The following ADAMTS18 variants were observed in gnomAD, a reference collection of about 807,000 sequenced individuals.
The protein encoded by ADAMTS18 is ADAM metallopeptidase with thrombospondin type 1 motif 18, also known as A disintegrin and metalloproteinase with thrombospondin motifs 18.
Under a neutral mutation model 165.9 loss-of-function variants are expected in ADAMTS18, and 157 were observed. That is an observed-to-expected ratio of 0.95 (90% confidence interval 0.83 to 1.08). The LOEUF (loss-of-function observed/expected upper bound fraction) is 1.08. Ranked by LOEUF, ADAMTS18 falls within the 50% of genes least tolerant of loss-of-function variation. ADAMTS18 has a pLI of 0.00. For synonymous variants in ADAMTS18, 782 were observed against 578.2 expected, an observed-to-expected ratio of 1.35 and a Z score of -5.06; for missense variants, 2,040 against 1,534.0, an observed-to-expected ratio of 1.33 and a Z score of -5.51.
At chr16:77,388,250 C>A (rs1477291626) in intron 3 of ADAMTS18, among the ~76,000 whole-genome samples, 1 of 152,172 alleles carries the variant, frequency 6.6e-6, no homozygotes, top group African/African-American at 2.4e-5. Context: ...TAGGTCCCTG[C>A]CACTGTGCCC....
At chr16:77,337,908 C>CTTTTCTT (rs542622872) in intron 11 of ADAMTS18, among the ~76,000 whole-genome samples, 2 of 140,836 alleles carry the variant, frequency 1.4e-5, no homozygotes, top group Admixed American at 7.1e-5. Context: ...CTTTTCTTTT[C>CTTTTCTT]TTTTTTTTTT....
chr16:77,399,117 C>G (rs996208984), intron 3 of ADAMTS18, among the ~76,000 whole-genome samples: 1 of 152,190 alleles, frequency 6.6e-6, no homozygotes, highest in African/African-American at 2.4e-5. Flanking sequence ...CAGCTAGAAG[C>G]TAGACCCACC....
At chr16:77,422,552 G>T (rs1388258768) in intron 3 of ADAMTS18, among the ~76,000 whole-genome samples, 1 of 148,584 alleles carries the variant, frequency 6.7e-6, no homozygotes, top group African/African-American at 2.5e-5. Flanking sequence ...AAAAAAAAGA[G>T]GAAGGAAGGG....
At chr16:77,305,575 C>G (rs931824627) in intron 16 of ADAMTS18, among the ~76,000 whole-genome samples, 10 of 152,222 alleles carry the variant, frequency 6.6e-5, no homozygotes, top group African/African-American at 2.4e-4. Flanking sequence ...TCCTGCCCAG[C>G]TAAATCCAGG....
chr16:77,334,439 T>C (rs1319676008), intron 12 of ADAMTS18, among the ~76,000 whole-genome samples: 2 of 112,798 alleles, frequency 1.8e-5, no homozygotes, highest in Non-Finnish European at 3.3e-5. Context: ...TACTGTATAT[T>C]ATAGTATATA....
chr16:77,431,816 TG>T, intron 2 of ADAMTS18: 1 of 611,006 alleles, frequency 1.6e-6, no homozygotes, highest in Non-Finnish European at 2.9e-6. Context: ...TTTCTACAGG[TG>T]CCCGAAAGCC....
At chr16:77,428,164 A>G (rs7500233) in intron 3 of ADAMTS18, among the ~76,000 whole-genome samples, 77,311 of 151,900 alleles carry the variant, frequency 0.51, 20,291 homozygotes, top group Non-Finnish European at 0.59. Flanking sequence ...TTCAGGTGAA[A>G]AAGTTTCATC....
At chr16:77,314,778 A>ATATATATG (rs2055855256) in intron 16 of ADAMTS18, among the ~76,000 whole-genome samples, 1 of 85,512 alleles carries the variant, frequency 1.2e-5, no homozygotes, top group Non-Finnish European at 2.4e-5. Context: ...ATATATATAT[A>ATATATATG]TATATATAAA....
intron 3 of ADAMTS18, among the ~76,000 whole-genome samples, chr16:77,380,617 T>C (rs274529): frequency 0.38 from 57,929 of 152,160 alleles, 11,621 homozygotes; most frequent in Non-Finnish European, 0.45. Flanking sequence ...AAATTAAATG[T>C]AAAAATGTTA....
chr16:77,424,485 G>A (rs559477129), intron 3 of ADAMTS18, among the ~76,000 whole-genome samples: 109 of 143,710 alleles, frequency 7.6e-4, no homozygotes, highest in African/African-American at 2.6e-3. Flanking sequence ...AAAAAAAAAA[G>A]CAAGCAACAT....
At chr16:77,334,788 AAATATAC>A (rs373091128) in intron 12 of ADAMTS18, among the ~76,000 whole-genome samples, 18,058 of 52,686 alleles carry the variant, frequency 0.34, 1,986 homozygotes, top group East Asian at 0.47. Flanking sequence ...AGTATACAGT[AAATATAC>A]TATATACTAT....
At chr16:77,431,813 A>T in intron 2 of ADAMTS18, 1 of 615,932 alleles carries the variant, frequency 1.6e-6, no homozygotes, top group South Asian at 1.9e-5. Flanking sequence ...TCATTTCTAC[A>T]GGTGCCCGAA....
At chr16:77,364,862 T>C (rs2056770850) in intron 4 of ADAMTS18, among the ~76,000 whole-genome samples, 1 of 152,066 alleles carries the variant, frequency 6.6e-6, no homozygotes, top group South Asian at 2.1e-4. Flanking sequence ...TCCCAGCAAT[T>C]TGAGACGCAA....
chr16:77,322,495 T>C (rs2056021336), intron 13 of ADAMTS18, 29 bp from the exon 14 acceptor site: 2 of 1,612,598 alleles, frequency 1.2e-6, no homozygotes, highest in African/African-American at 1.3e-5. Context: ...AGATAGGAAA[T>C]GGTCAAGAGG....
chr16:77,405,239 C>T (rs1322212386), intron 3 of ADAMTS18, among the ~76,000 whole-genome samples: 1 of 152,172 alleles, frequency 6.6e-6, no homozygotes, highest in East Asian at 1.9e-4. Context: ...TCATGGTCAA[C>T]TGCATTCAAA....
chr16:77,385,029 C>T lies in ADAMTS18; in HGVS notation c.496-17306G>A, dbSNP rs1353725354. Among the ~76,000 whole-genome samples, 3 of 152,112 alleles carry T rather than the reference C, an allele frequency of 2.0e-5. No individual in the cohort carries two copies. The East Asian group carries it at 5.8e-4, about 30-fold the overall frequency. On this transcript the variant is annotated intron_variant, in intron 3 of 22. Transcript: ENST00000282849. ...GGTTCAAGCATTCTCCTGCCTCAGC[C>T]TCCCAAGTAGCTGGGATTACAGACG...
intron 14 of ADAMTS18, 77 bp downstream of exon 14, chr16:77,322,259 C>A: frequency 6.4e-7 from 1 of 1,557,018 alleles, no homozygotes. Context: ...CAATCTCTCA[C>A]ACCACTGTTC....
intron 3 of ADAMTS18, among the ~76,000 whole-genome samples, chr16:77,375,900 T>TTTTTTTA (rs1195729022): frequency 4.3e-5 from 1 of 23,306 alleles, no homozygotes; most frequent in Non-Finnish European, 1.1e-4. Context: ...CTTTTTTTTT[T>TTTTTTTA]TTTTTTTTTT....
Position 77,364,307 on chromosome 16 carries a change from A to G in ADAMTS18, c.853T>C (p.Ser285Pro). Residue 285 changes from serine (S) to proline (P), a missense_variant, in exon 5 of 23, where the codon TCA (serine) becomes CCA (proline). By Grantham distance (74) the Ser-to-Pro change is moderately conservative. Transcript: ENST00000282849. The stretch of plus-strand genomic sequence containing the variant: ...AGGCCCTTTTGTGATTTTCCAGCTG[A>G]TCTTCTGGGTCGCCCAGAGCTCCCA... ...EYGSSGRPRR[S>P]AGKSQKGLNV... The G allele has an allele frequency of 6.2e-7, 1 of 1,613,752 alleles. No homozygotes were observed. Among genetic ancestry groups the G allele is most frequent in the Non-Finnish European group, 8.5e-7 (1 of 1,179,980 alleles).
Sources: allele counts gnomAD v4.1 joint callset (sites outside exome capture counted in the v4.1 genomes callset), GRCh38; gene constraint gnomAD v4.1.1; transcripts MANE v1.5; gene names NCBI Gene and HGNC (gene_info 2026-07-23, HGNC 2026-07-21).